The following ROBO1 variants were observed in gnomAD, a reference collection of about 807,000 sequenced individuals.
ROBO1 encodes the protein roundabout homolog 1.
Under a neutral mutation model 195.9 loss-of-function variants are expected in ROBO1, and 149 were observed. That is an observed-to-expected ratio of 0.76 (90% CI 0.67 to 0.87). The LOEUF is 0.87. Among genes scored for constraint, ROBO1 ranks in the 40% least tolerant of loss-of-function variants. The probability of loss-of-function intolerance (pLI) is 0.00; values close to 1 mark genes in which losing one functional copy is unlikely to be tolerated. For missense variants in ROBO1, 1,933 were observed against 2,068.3 expected (o/e 0.93, Z 1.27); for synonymous variants, 816 against 733.2 (o/e 1.11, Z -1.82).
chr3:78,938,903 A>G lies in ROBO1; in HGVS notation c.197T>C (p.Phe66Ser), dbSNP rs1438009801. 1 of 1,609,300 alleles carries G rather than the reference A, an allele frequency of 6.2e-7. No homozygotes were observed. The highest frequency in any genetic ancestry group is 8.5e-7 in the Non-Finnish European group (1 of 1,177,006). ...YTGSRLRQED[F>S]PPRIVEHPSD... ...AGGGTGTTCAACAATGCGAGGTGGAAAATCTTCCTGACGAAGACGGGAGCC... is the reference window on the plus strand; with the variant it reads ...AGGGTGTTCAACAATGCGAGGTGGAGAATCTTCCTGACGAAGACGGGAGCC... Residue 66 changes from phenylalanine (F) to serine (S), a missense_variant, in exon 4 of 31, where the codon TTT becomes TCT. This residue lies in a region of ROBO1 where 185 missense variants were observed against 159.5 expected (regional missense o/e 1.16). Transcript: ENST00000464233.
chr3:78,785,050 G>T (rs975339130), intron 4 of ROBO1, among the ~76,000 whole-genome samples: 4 of 152,100 alleles, frequency 2.6e-5, no homozygotes, highest in Non-Finnish European at 5.9e-5. Context: ...ATTGTTCAAA[G>T]GCAAGTGGGT....
intron 4 of ROBO1, among the ~76,000 whole-genome samples, chr3:78,795,658 C>T (rs2084164894): frequency 6.6e-6 from 1 of 152,012 alleles, no homozygotes; most frequent in African/African-American, 2.4e-5. Context: ...GAAGTACAAT[C>T]CTGAACCAAA....
chr3:78,730,258 T>C (rs1429973286), intron 5 of ROBO1, among the ~76,000 whole-genome samples: 2 of 144,572 alleles, frequency 1.4e-5, no homozygotes, highest in East Asian at 2.0e-4. Flanking sequence ...GTGTGAGAAA[T>C]TCCCTCACTA....
At position 78,651,745 on chromosome 3, in the gene ROBO1, C is replaced by T. The variant is rs374375350; in HGVS notation, c.2799G>A (p.Ala933=). ...GAAAGCTAATACCTTTTCTGATACC[C>T]GCGTAGGTACTAGTAAGTCCGTTTC... ...KKRNGLTSTY[A]GIRKVPSFTF... is the part of the protein sequence containing the mutation. Residue 933 remains alanine, a synonymous_variant, in exon 19 of 31, where the codon GCG becomes GCA. Transcript: ENST00000464233. 2.3e-5 allele frequency: 37 copies of T among 1,605,382 alleles called. No individual in the cohort carries two copies. Among genetic ancestry groups the T allele is most frequent in the Middle Eastern group, 1.7e-4 (1 of 6,010 alleles).
intron 3 of ROBO1, among the ~76,000 whole-genome samples, chr3:79,093,463 T>C (rs556673808): frequency 6.6e-6 from 1 of 152,276 alleles, no homozygotes; most frequent in Admixed American, 6.5e-5. Flanking sequence ...AACAAAAGAT[T>C]ATTTAGAAGA....
intron 3 of ROBO1, among the ~76,000 whole-genome samples, chr3:79,005,112 T>A (rs2077591031): frequency 6.6e-6 from 1 of 152,206 alleles, no homozygotes; most frequent in Non-Finnish European, 1.5e-5. Context: ...CATCAGATAA[T>A]GCTCATCTTT....
At chr3:79,129,822 T>C (rs578077740) in intron 2 of ROBO1, among the ~76,000 whole-genome samples, 28 of 151,604 alleles carry the variant, frequency 1.8e-4, no homozygotes, top group Non-Finnish European at 3.5e-4. Flanking sequence ...AGGTCTAACG[T>C]TTAAATCTTT....
chr3:79,542,961 T>C (rs1942131045), intron 2 of ROBO1, among the ~76,000 whole-genome samples: 1 of 152,090 alleles, frequency 6.6e-6, no homozygotes. Flanking sequence ...TCACATTTTA[T>C]TATAAAATAT....
intron 2 of ROBO1, among the ~76,000 whole-genome samples, chr3:79,530,165 C>T (rs1941590688): frequency 1.3e-5 from 2 of 152,024 alleles, no homozygotes; most frequent in Admixed American, 1.3e-4. Flanking sequence ...TCTTCATAAT[C>T]ACATACTTTT....
rs1214819858 is a variant in ROBO1 at position 79,600,287 on chromosome 3, T to C, written c.-50-10326A>G. On this transcript the variant is annotated intron_variant, in intron 1 of 30. Transcript: ENST00000464233. ...TCAGTGTTCTAATAAGTGTTGCCTC[T>C]GATGAGTTAGATTTATCTTAGACTG... Among the ~76,000 whole-genome samples the C allele has an allele frequency of 1.3e-5, 2 of 152,012 alleles. 1 individual carries two copies.
intron 2 of ROBO1, among the ~76,000 whole-genome samples, chr3:79,214,322 T>C (rs770684643): frequency 1.6e-4 from 24 of 152,170 alleles, no homozygotes; most frequent in Non-Finnish European, 2.6e-4. Flanking sequence ...TGTAGAAGTA[T>C]GAATTCCCAA....
At chr3:79,368,605 C>A (rs533049856) in intron 2 of ROBO1, among the ~76,000 whole-genome samples, 1 of 152,070 alleles carries the variant, frequency 6.6e-6, no homozygotes, top group Non-Finnish European at 1.5e-5. Flanking sequence ...CAGACTTTCC[C>A]TAACCACAGG....
At chr3:78,623,865 A>C (rs1704600060) in intron 26 of ROBO1, among the ~76,000 whole-genome samples, 1 of 152,186 alleles carries the variant, frequency 6.6e-6, no homozygotes, top group Non-Finnish European at 1.5e-5. Context: ...ATAGCTATCT[A>C]TATCTATGAG....
intron 3 of ROBO1, among the ~76,000 whole-genome samples, chr3:79,106,467 A>G (rs898122539): frequency 6.6e-6 from 1 of 151,680 alleles, no homozygotes; most frequent in Non-Finnish European, 1.5e-5. Context: ...TTTTGATATT[A>G]TGGAACAGGC....
intron 5 of ROBO1, among the ~76,000 whole-genome samples, chr3:78,745,223 G>A (rs780488211): frequency 8.0e-5 from 12 of 149,928 alleles, no homozygotes; most frequent in Non-Finnish European, 1.5e-4. Context: ...CAGGAGAATC[G>A]CTTGAACCCA....
intron 21 of ROBO1, among the ~76,000 whole-genome samples, chr3:78,641,164 CACG>C (rs1216005292): frequency 6.6e-6 from 1 of 152,080 alleles, no homozygotes; most frequent in Non-Finnish European, 1.5e-5. Context: ...ATGTGGTCAT[CACG>C]ACAATTTTAC....
intron 4 of ROBO1, among the ~76,000 whole-genome samples, chr3:78,762,699 A>G (rs1254041745): frequency 6.6e-6 from 1 of 152,108 alleles, no homozygotes; most frequent in Admixed American, 6.6e-5. Context: ...TGAGCAAGAT[A>G]TAAGGAAAAA....
At chr3:79,030,751 T>C (rs1409009585) in intron 3 of ROBO1, among the ~76,000 whole-genome samples, 1 of 152,204 alleles carries the variant, frequency 6.6e-6, no homozygotes, top group Non-Finnish European at 1.5e-5. Flanking sequence ...AGATGGAGTC[T>C]CACTCTGTCG....
At chr3:79,239,707 A>G (rs912641502) in intron 2 of ROBO1, among the ~76,000 whole-genome samples, 2 of 152,162 alleles carry the variant, frequency 1.3e-5, no homozygotes, top group Admixed American at 6.5e-5. Flanking sequence ...ATAAATATTG[A>G]TAAGTATCAA....
Sources: allele counts gnomAD v4.1 joint callset (sites outside exome capture counted in the v4.1 genomes callset), GRCh38; gene constraint gnomAD v4.1.1; regional missense constraint gnomAD v4.1.1; transcripts MANE v1.5; gene names NCBI Gene and HGNC (gene_info 2026-07-23, HGNC 2026-07-21).